The following LONP1 variants were observed in gnomAD, a reference collection of about 807,000 sequenced individuals.
LONP1 encodes lon peptidase 1, mitochondrial.
In LONP1, 31 loss-of-function variants were observed where a neutral mutation model predicts 98.5. The ratio of observed to expected loss-of-function variants is 0.31; its 90% CI spans 0.24 to 0.42. LONP1 has a LOEUF of 0.42. Among genes scored for constraint, LONP1 ranks in the 20% least tolerant of loss-of-function variants. The pLI, the probability that LONP1 is intolerant of heterozygous loss-of-function variation, is 1.00. For missense variants in LONP1, 1,336 were observed against 1,350.6 expected (o/e 0.99, Z 0.17); for synonymous variants, 781 against 594.7 (o/e 1.31, Z -4.56).
At chr19:5,702,107 C>A in intron 8 of LONP1, among the ~76,000 whole-genome samples, 1 of 149,992 alleles carries the variant, frequency 6.7e-6, no homozygotes. Flanking sequence ...GGCCAGCCGC[C>A]CCGTCCGGGA....
At chr19:5,699,335 G>A (rs2054999894) in intron 9 of LONP1, 130 bp from the exon 10 acceptor site, 1 of 680,322 alleles carries the variant, frequency 1.5e-6, no homozygotes, top group Non-Finnish European at 2.2e-6. Context: ...TTGTCCGGGA[G>A]GCTGAGCACA....
In LONP1 at chr19:5,708,674, T is replaced by G. The variant is rs1195542178; in HGVS notation, c.871-271A>C. ...AGCCTTGTCCTTAGGATAAGCTATC[T>G]CAGGGGAAAAAAAGAGACTGTGTTT... is the stretch of plus-strand genomic sequence containing the variant. On this transcript the variant is annotated intron_variant, in intron 4 of 17. Transcript: ENST00000360614. The G allele has an allele frequency of 2.5e-6, 1 of 399,320 alleles. No homozygotes were observed. The highest frequency in any genetic ancestry group is 2.0e-5 in the African/African-American group (1 of 49,388). The allele number at this position is 399,320 out of a possible 1,614,324, so 24.7% of individuals were successfully genotyped here.
intron 13 of LONP1, among the ~76,000 whole-genome samples, chr19:5,695,124 C>T (rs2054903084): frequency 6.6e-6 from 1 of 151,986 alleles, no homozygotes; most frequent in Non-Finnish European, 1.5e-5. Context: ...CACTTCCTAT[C>T]CCCCAATGGT....
Position 5,720,111 on chromosome 19 carries a change from C to G in LONP1, c.22G>C (p.Val8Leu), listed in dbSNP as rs1258789305. Residue 8 changes from valine (V) to leucine (L), a missense_variant, in exon 1 of 18, where the codon GTG (valine) becomes CTG (leucine). By Grantham distance (32) the Val-to-Leu change is conservative. Transcript: ENST00000360614. MAASTGY[V>L]RLWGAARCWV... ...CACCGCGCCGCTCCCCACAGTCGCA[C>G]GTAGCCAGTGCTCGCCGCCATAGCC... is the stretch of plus-strand genomic sequence containing the variant. 11 of 1,450,850 alleles carry G rather than the reference C, an allele frequency of 7.6e-6. No individual in the cohort carries two copies. The highest frequency in any genetic ancestry group is 9.9e-6 in the Non-Finnish European group (11 of 1,111,146). The allele number at this position is 1,450,850 out of a possible 1,614,324, so 89.9% of individuals were successfully genotyped here. A position where few individuals can be genotyped will look rare whatever the true frequency, so the allele number is the denominator to read the frequency against.
Position 5,693,372 on chromosome 19 carries a change from G to C in LONP1, c.2629C>G (p.Leu877Val). Residue 877 changes from leucine (L) to valine (V), a missense_variant, in exon 17 of 18, where the codon CTG (leucine) becomes GTG (valine). Coordinates refer to ENST00000360614, the MANE Select transcript of LONP1 (RefSeq NM_004793.4). ...AGGGAGACTTCGCCAGTCATGGCCAGATTCTGCCGGACAGGCCTGCCCATG... is the reference window on the plus strand; with the variant it reads ...AGGGAGACTTCGCCAGTCATGGCCACATTCTGCCGGACAGGCCTGCCCATG... ...LAMGRPVRQN[L>V]AMTGEVSLTG... The C allele has an allele frequency of 6.2e-7, 1 of 1,613,500 alleles. No homozygotes were observed. The highest frequency in any genetic ancestry group is 1.3e-5 in the African/African-American group (1 of 75,064).
At chr19:5,701,478 G>A (rs1032064465) in intron 8 of LONP1, among the ~76,000 whole-genome samples, 12 of 152,304 alleles carry the variant, frequency 7.9e-5, no homozygotes, top group East Asian at 3.9e-4. Context: ...TTGCAGGCGC[G>A]CGCCGCCACG....
rs375151978 is a variant in LONP1, at chr19:5,699,050, G to C, written c.1662C>G (p.Asp554Glu). 6.2e-7 allele frequency: 1 copy of C among 1,608,236 alleles called. No individual in the cohort carries two copies. The highest frequency in any genetic ancestry group is 8.5e-7 in the Non-Finnish European group (1 of 1,176,886). Reference sequence around the variant, plus strand: ...ACCTGTGGCCCTTGATCTCAGCCACGTCAGTCATGCCCCCGACGCTGAAGC... The same window carrying C: ...ACCTGTGGCCCTTGATCTCAGCCACCTCAGTCATGCCCCCGACGCTGAAGC... ...YFRFSVGGMT[D>E]VAEIKGHRRT... is the part of the protein sequence containing the mutation. Residue 554 changes from aspartate to glutamate, a missense_variant, in exon 10 of 18, where the codon GAC becomes GAG. Coordinates refer to ENST00000360614, the MANE Select transcript of LONP1 (RefSeq NM_004793.4).
chr19:5,699,596 G>A (rs1421632854), intron 9 of LONP1, among the ~76,000 whole-genome samples: 2 of 137,974 alleles, frequency 1.4e-5, no homozygotes, highest in East Asian at 2.1e-4. Context: ...CTTGCTCTGT[G>A]GCCCAGGCTA....
chr19:5,702,388 G>A (rs574802517), intron 8 of LONP1, among the ~76,000 whole-genome samples: 9 of 146,698 alleles, frequency 6.1e-5, no homozygotes, highest in Middle Eastern at 3.9e-3. Context: ...CAGCCGCCCC[G>A]TCCGGGAGGT....
At position 5,692,089 on chromosome 19, in the gene LONP1, C is replaced by A; in HGVS notation, c.2823G>T (p.Glu941Asp). ...CGTCCGGGAAGGCGATGTCGAAGAT[C>A]TCCCGGTAGTGTTCCACGAAGTGCA... ...LEVHFVEHYR[E>D]IFDIAFPDEQ... The change falls in exon 18 of 18, where the codon GAG becomes GAT. Residue 941 changes from glutamate (E) to aspartate (D), a missense_variant. Coordinates refer to ENST00000360614, the MANE Select transcript of LONP1 (RefSeq NM_004793.4). 3.1e-6 allele frequency: 5 copies of A among 1,610,572 alleles called. No individual in the cohort carries two copies. Among genetic ancestry groups the A allele is most frequent in the Non-Finnish European group, 4.2e-6 (5 of 1,177,884 alleles).
intron 4 of LONP1, 184 bp from the exon 5 acceptor site, chr19:5,708,587 C>A: frequency 5.0e-6 from 3 of 597,022 alleles, no homozygotes; most frequent in Admixed American, 5.6e-5. Flanking sequence ...ACTCACCAGT[C>A]CCAGGGACAC....
chr19:5,712,326 C>G (rs1174303195), intron 3 of LONP1: 6 of 308,588 alleles, frequency 1.9e-5, no homozygotes, highest in Non-Finnish European at 1.8e-5. Context: ...CGGTGTCAGC[C>G]TGGCCGGGCA....
rs1202368334 is a variant in LONP1 at position 5,692,086 on chromosome 19, G to A, written c.2826C>T (p.Ile942=). 1.2e-6 allele frequency: 2 copies of A among 1,614,106 alleles called. No homozygotes were observed. The highest frequency in any genetic ancestry group is 1.1e-5 in the South Asian group (1 of 91,082). The change falls in exon 18 of 18, where the codon ATC becomes ATT. Residue 942 remains isoleucine (I), a synonymous_variant. Coordinates refer to ENST00000360614, the MANE Select transcript of LONP1 (RefSeq NM_004793.4). ...EVHFVEHYRE[I]FDIAFPDEQA... ...GCTCGTCCGGGAAGGCGATGTCGAA[G>A]ATCTCCCGGTAGTGTTCCACGAAGT...
chr19:5,708,508 T>A (rs1042468891), intron 4 of LONP1, 105 bp from the exon 5 acceptor site: 5 of 859,256 alleles, frequency 5.8e-6, no homozygotes, highest in South Asian at 4.5e-5. Context: ...CTCCATCAAC[T>A]CCCTCCCCTC....
intron 8 of LONP1, among the ~76,000 whole-genome samples, chr19:5,702,303 G>T (rs1265876110): frequency 4.8e-5 from 7 of 145,040 alleles, no homozygotes; most frequent in African/African-American, 7.8e-5. Context: ...CGGGAGGGAG[G>T]TGGAGGCGTC....
chr19:5,694,403 C>G lies in LONP1; in HGVS notation c.2304G>C (p.Leu768=), dbSNP rs142576092. The G allele has an allele frequency of 2.8e-4, 446 of 1,613,346 alleles. No homozygotes were observed. The highest frequency in any genetic ancestry group is 3.7e-4 in the Non-Finnish European group (435 of 1,179,958). ...CACGCTCACCCATTGCGGTCCAGGCCAGCCCCATGACCACGCCGGGCGGTG... is the reference window on the plus strand; with the variant it reads ...CACGCTCACCCATTGCGGTCCAGGCGAGCCCCATGACCACGCCGGGCGGTG... ...DVTPPGVVMG[L]AWTAMGGSTL... The change falls in exon 15 of 18, where the codon CTG becomes CTC. Residue 768 remains leucine, a synonymous_variant. Transcript: ENST00000360614.
Position 5,702,359 on chromosome 19 carries a change from G to T in LONP1, c.1368-1432C>A, listed in dbSNP as rs1213427635. On this transcript the variant is annotated intron_variant, in intron 8 of 17. Transcript: ENST00000360614. ...GCCCCGTCCGGGAGGGAGGTGGGGG[G>T]GTCAGCCCCCCGCCCGGCCAGCCGC... is the stretch of plus-strand genomic sequence containing the variant. Among the ~76,000 whole-genome samples the T allele has an allele frequency of 2.7e-5, 4 of 147,302 alleles. 1 individual carries two copies. In the East Asian group the frequency reaches 8.2e-4, roughly 30 times the overall value.
intron 15 of LONP1, 63 bp from the exon 16 acceptor site, chr19:5,693,832 C>A (rs1399478174): frequency 2.2e-6 from 3 of 1,376,836 alleles, no homozygotes; most frequent in East Asian, 2.4e-5. Flanking sequence ...GCTCACTCCA[C>A]CCCTCGGGGC....
intron 14 of LONP1, 71 bp downstream of exon 14, chr19:5,694,690 G>C: frequency 6.4e-7 from 1 of 1,570,568 alleles, no homozygotes; most frequent in Non-Finnish European, 8.7e-7. Context: ...GATGGGCATG[G>C]AAAGGTGGGG....
Sources: allele counts gnomAD v4.1 joint callset (sites outside exome capture counted in the v4.1 genomes callset), GRCh38; gene constraint gnomAD v4.1.1; transcripts MANE v1.5; gene names NCBI Gene and HGNC (gene_info 2026-07-23, HGNC 2026-07-21).